The following SH3BGRL2 variants were observed in gnomAD, a reference collection of about 807,000 sequenced individuals.
SH3BGRL2 encodes SH3 domain binding glutamate rich protein like 2, also known as SH3 domain-binding glutamic acid-rich-like protein 2.
A neutral mutation model predicts 14.8 loss-of-function variants in SH3BGRL2; 21 were observed. That is an observed-to-expected ratio of 1.42 (90% CI 1.01 to 2.05). The LOEUF (loss-of-function observed/expected upper bound fraction) is 2.05, where lower values mean the gene tolerates loss of function less well. Among genes scored for constraint, SH3BGRL2 ranks in the 30% most tolerant of loss-of-function variants. SH3BGRL2 has a pLI of 0.00. For synonymous variants in SH3BGRL2, 50 were observed against 47.8 expected (o/e 1.05, Z -0.19); for missense variants, 147 against 130.8 (o/e 1.12, Z -0.61).
chr6:79,590,951 T>C, the SH3BGRL2 span, among the ~76,000 whole-genome samples: 6 of 152,216 alleles, frequency 3.9e-5, no homozygotes, highest in African/African-American at 1.2e-4. Context: ...AATTTTTGTA[T>C]CTACATCCCT....
chr6:79,648,916 T>A (rs1229137253), intron 1 of SH3BGRL2, among the ~76,000 whole-genome samples: 1 of 152,158 alleles, frequency 6.6e-6, no homozygotes, highest in African/African-American at 2.4e-5. Flanking sequence ...GATAACTTTA[T>A]TGTAGAATTC....
At chr6:79,638,027 G>T (rs1304946361) in intron 1 of SH3BGRL2, among the ~76,000 whole-genome samples, 3 of 152,074 alleles carry the variant, frequency 2.0e-5, no homozygotes, top group Non-Finnish European at 4.4e-5. Context: ...TATTTATGGG[G>T]TATCTAGTGA....
the SH3BGRL2 span, among the ~76,000 whole-genome samples, chr6:79,550,871 C>G: frequency 6.6e-6 from 1 of 152,120 alleles, no homozygotes; most frequent in Admixed American, 6.6e-5. Context: ...GTACTTCAGT[C>G]TCGTAATCAT....
chr6:79,572,928 T>G, the SH3BGRL2 span, among the ~76,000 whole-genome samples: 1 of 152,218 alleles, frequency 6.6e-6, no homozygotes, highest in Non-Finnish European at 1.5e-5. Context: ...GCAAATGTCT[T>G]CTCTAGTTAG....
the SH3BGRL2 span, among the ~76,000 whole-genome samples, chr6:79,588,130 A>G: frequency 0.027 from 4,166 of 152,148 alleles, 178 homozygotes; most frequent in African/African-American, 0.095. Flanking sequence ...CATCTCTACT[A>G]AAAATACAAA....
chr6:79,569,099 A>G, the SH3BGRL2 span, among the ~76,000 whole-genome samples: 3 of 152,296 alleles, frequency 2.0e-5, no homozygotes, highest in African/African-American at 7.2e-5. Context: ...TACATGTACG[A>G]TGTACATTGT....
At chr6:79,592,116 A>G in the SH3BGRL2 span, among the ~76,000 whole-genome samples, 1 of 152,200 alleles carries the variant, frequency 6.6e-6, no homozygotes, top group East Asian at 1.9e-4. Flanking sequence ...TGTTAGCACA[A>G]TCCTGGTGTA....
the SH3BGRL2 span, among the ~76,000 whole-genome samples, chr6:79,603,512 T>C: frequency 6.6e-6 from 1 of 152,220 alleles, no homozygotes; most frequent in African/African-American, 2.4e-5. Context: ...TTTTCTCAAA[T>C]GTAGGAGCAG....
the SH3BGRL2 span, chr6:79,573,986 G>C: frequency 6.6e-6 from 1 of 152,080 alleles, no homozygotes; most frequent in East Asian, 1.9e-4. Context: ...ATGTGTGTCT[G>C]TTTGGGTCAG....
At chr6:79,587,588 C>T in the SH3BGRL2 span, among the ~76,000 whole-genome samples, 1 of 152,174 alleles carries the variant, frequency 6.6e-6, no homozygotes, top group Non-Finnish European at 1.5e-5. Context: ...CTAGAATTTG[C>T]TGATAAATAT....
intron 1 of SH3BGRL2, among the ~76,000 whole-genome samples, chr6:79,673,394 G>C (rs562564434): frequency 1.1e-4 from 17 of 152,090 alleles, no homozygotes; most frequent in African/African-American, 3.6e-4. Context: ...GGGCAACATA[G>C]AGAGACCCCA....
chr6:79,640,547 C>T (rs1362762407), intron 1 of SH3BGRL2, among the ~76,000 whole-genome samples: 1 of 152,114 alleles, frequency 6.6e-6, no homozygotes, highest in East Asian at 1.9e-4. Context: ...TTGTTGGTCA[C>T]CTTTGTTACT....
At chr6:79,683,794 T>G (rs936031475) in intron 2 of SH3BGRL2, among the ~76,000 whole-genome samples, 2 of 152,308 alleles carry the variant, frequency 1.3e-5, no homozygotes, top group Admixed American at 6.5e-5. Context: ...CTGCCCCTGC[T>G]CTGGACATTC....
the SH3BGRL2 span, among the ~76,000 whole-genome samples, chr6:79,618,935 G>T: frequency 2.0e-5 from 1 of 50,690 alleles, no homozygotes; most frequent in Non-Finnish European, 4.5e-5. Context: ...AAGATAAACA[G>T]TAAGTGTACT....
At chr6:79,610,447 G>C in the SH3BGRL2 span, among the ~76,000 whole-genome samples, 11 of 152,176 alleles carry the variant, frequency 7.2e-5, no homozygotes, top group Non-Finnish European at 1.3e-4. Context: ...ACCTGTGCCT[G>C]CCTTACGCAC....
rs762666892 is a variant in SH3BGRL2 at position 79,631,502 on chromosome 6, T to C, written c.41T>C (p.Val14Ala). 1 of 1,478,690 alleles carries C rather than the reference T, an allele frequency of 6.8e-7. No homozygotes were observed. Among genetic ancestry groups the C allele is most frequent in the South Asian group, 1.4e-5 (1 of 72,114 alleles). The allele number at this position is 1,478,690 out of a possible 1,614,324, so 91.6% of individuals were successfully genotyped here. A position where few individuals can be genotyped will look rare whatever the true frequency, so the allele number is the denominator to read the frequency against. ...TTCATCGCCTCTTCCTCGGGCTTCG[T>C]GGCGGTGAGCGCGGTGGGGGCGGGC... ...RVFIASSSGFVAIKKKQQDVV... is the reference protein window; with the variant it reads ...RVFIASSSGFAAIKKKQQDVV... Residue 14 changes from valine (V) to alanine (A), a missense_variant, in exon 1 of 4, where the codon GTG becomes GCG. Coordinates refer to ENST00000369838, the MANE Select transcript of SH3BGRL2 (RefSeq NM_031469.4).
chr6:79,547,732 T>G, the SH3BGRL2 span, among the ~76,000 whole-genome samples: 12 of 152,184 alleles, frequency 7.9e-5, no homozygotes, highest in Non-Finnish European at 1.5e-4. Context: ...GTCCAAAATG[T>G]TTCAATGATG....
chr6:79,562,874 T>A, the SH3BGRL2 span, among the ~76,000 whole-genome samples: 3 of 152,242 alleles, frequency 2.0e-5, no homozygotes, highest in Non-Finnish European at 4.4e-5. Flanking sequence ...AAATTTGTGC[T>A]GGGCTGCATT....
the SH3BGRL2 span, among the ~76,000 whole-genome samples, chr6:79,625,886 G>A: frequency 2.0e-5 from 3 of 152,042 alleles, no homozygotes; most frequent in South Asian, 2.1e-4. Flanking sequence ...AACCCCTCTG[G>A]CCTACCCCTT....
Sources: gnomAD v4.1 joint callset for allele counts (sites outside exome capture counted in the v4.1 genomes callset) on GRCh38, gnomAD v4.1.1 for gene constraint, MANE v1.5 for transcripts, NCBI Gene and HGNC (gene_info 2026-07-23, HGNC 2026-07-21) for gene names.